SKAP1: variants seen among roughly 807,000 people sequenced by gnomAD.
SKAP1 encodes src kinase associated phosphoprotein 1, also known as src kinase-associated phosphoprotein 1.
SKAP1 carries 44 observed loss-of-function variants against 58.5 expected under a neutral mutation model. That is an observed-to-expected ratio of 0.75 (90% CI 0.59 to 0.97). SKAP1 has a LOEUF of 0.97. Among genes scored for constraint, SKAP1 ranks in the 50% least tolerant of loss-of-function variants. The pLI is 0.00. For missense variants in SKAP1, 390 were observed against 435.2 expected (o/e 0.90, Z 0.92); for synonymous variants, 127 against 149.7 (o/e 0.85, Z 1.11).
the SKAP1 span, among the ~76,000 whole-genome samples, chr17:48,439,974 TG>T: frequency 6.6e-6 from 1 of 152,168 alleles, no homozygotes; most frequent in Non-Finnish European, 1.5e-5. Context: ...TAGAGACAGG[TG>T]GGCCCTTTTC....
chr17:48,211,004 AAAAAGACT>A (rs2064865035), intron 4 of SKAP1, among the ~76,000 whole-genome samples: 1 of 152,172 alleles, frequency 6.6e-6, no homozygotes, highest in African/African-American at 2.4e-5. Flanking sequence ...CCTCATGTAT[AAAAAGACT>A]GGGGGGAGGC....
At chr17:48,385,504 T>C (rs1169127504) in intron 2 of SKAP1, among the ~76,000 whole-genome samples, 1 of 152,054 alleles carries the variant, frequency 6.6e-6, no homozygotes, top group Non-Finnish European at 1.5e-5. Context: ...GGAGTGAAGA[T>C]AACAACTATG....
At chr17:48,173,528 T>C (rs569577500) in intron 9 of SKAP1, among the ~76,000 whole-genome samples, 1 of 152,320 alleles carries the variant, frequency 6.6e-6, no homozygotes, top group African/African-American at 2.4e-5. Context: ...AATTTTAGGA[T>C]TGGAAACATT....
At chr17:48,271,908 T>C (rs1175006969) in intron 4 of SKAP1, among the ~76,000 whole-genome samples, 1 of 152,144 alleles carries the variant, frequency 6.6e-6, no homozygotes, top group African/African-American at 2.4e-5. Flanking sequence ...TCAATTTATG[T>C]TTTGACTTCC....
intron 4 of SKAP1, chr17:48,295,723 G>C (rs2065960342): frequency 6.7e-6 from 1 of 149,084 alleles, no homozygotes; most frequent in African/African-American, 2.5e-5. Flanking sequence ...TAAGGATCTA[G>C]CTTCTTTTCA....
intron 9 of SKAP1, among the ~76,000 whole-genome samples, chr17:48,177,897 C>T (rs942316663): frequency 6.6e-6 from 1 of 152,122 alleles, no homozygotes; most frequent in Non-Finnish European, 1.5e-5. Flanking sequence ...GCTGTTGTTT[C>T]CCTAACCTGC....
At chr17:48,156,629 T>C (rs2063981517) in intron 11 of SKAP1, 1 of 243,594 alleles carries the variant, frequency 4.1e-6, no homozygotes, top group Non-Finnish European at 9.0e-6. Context: ...CCCTTTAATA[T>C]ATTTTGAGAC....
At chr17:48,307,251 G>A (rs2066154935) in intron 4 of SKAP1, 1 of 152,170 alleles carries the variant, frequency 6.6e-6, no homozygotes, top group Non-Finnish European at 1.5e-5. Context: ...ATGCATTTTG[G>A]TAGAACTATT....
chr17:48,388,042 T>A (rs368049067), intron 2 of SKAP1, among the ~76,000 whole-genome samples: 1 of 152,314 alleles, frequency 6.6e-6, no homozygotes, highest in South Asian at 2.1e-4. Flanking sequence ...TTAAAAACCA[T>A]ATCCCATATG....
chr17:48,374,811 C>A (rs1055981334), intron 2 of SKAP1, among the ~76,000 whole-genome samples: 1 of 152,188 alleles, frequency 6.6e-6, no homozygotes, highest in Non-Finnish European at 1.5e-5. Context: ...CAGTGACACC[C>A]AACAACAGAA....
chr17:48,429,635 C>T (rs2067892141), intron 1 of SKAP1, among the ~76,000 whole-genome samples: 1 of 152,156 alleles, frequency 6.6e-6, no homozygotes, highest in Non-Finnish European at 1.5e-5. Flanking sequence ...CCCTCGCAGC[C>T]CCCTGGAGAG....
intron 4 of SKAP1, among the ~76,000 whole-genome samples, chr17:48,206,430 G>T (rs971015812): frequency 1.0e-5 from 1 of 99,122 alleles, no homozygotes; most frequent in Non-Finnish European, 2.3e-5. Flanking sequence ...AAAAAATAAA[G>T]ACGTTTTTTT....
chr17:48,433,036 T>C (rs541309844), upstream of SKAP1, among the ~76,000 whole-genome samples: 5 of 152,266 alleles, frequency 3.3e-5, no homozygotes, highest in East Asian at 9.6e-4. Flanking sequence ...AATACGGTAT[T>C]GTCATGTTGC....
chr17:48,341,323 T>C (rs1366378765), intron 4 of SKAP1, among the ~76,000 whole-genome samples: 1 of 152,170 alleles, frequency 6.6e-6, no homozygotes, highest in Non-Finnish European at 1.5e-5. Flanking sequence ...AATTTCAGAA[T>C]ACTAAAACAG....
chr17:48,368,537 A>T (rs2067039727), intron 2 of SKAP1, among the ~76,000 whole-genome samples: 1 of 152,242 alleles, frequency 6.6e-6, no homozygotes, highest in African/African-American at 2.4e-5. Flanking sequence ...GCCTGTGCAG[A>T]TAGATAACAA....
intron 1 of SKAP1, among the ~76,000 whole-genome samples, chr17:48,426,635 A>G (rs2067856182): frequency 6.6e-6 from 1 of 152,242 alleles, no homozygotes; most frequent in Non-Finnish European, 1.5e-5. Flanking sequence ...CTGAAGCCCC[A>G]TTATTTGAAA....
chr17:48,191,474 G>C (rs945518401), intron 4 of SKAP1, among the ~76,000 whole-genome samples: 2 of 152,214 alleles, frequency 1.3e-5, no homozygotes, highest in African/African-American at 4.8e-5. Context: ...TATCTTGAGA[G>C]TTATGGTTGA....
intron 1 of SKAP1, among the ~76,000 whole-genome samples, chr17:48,421,689 T>C (rs1337225872): frequency 2.0e-5 from 3 of 152,170 alleles, no homozygotes; most frequent in Admixed American, 6.5e-5. Flanking sequence ...TAGGTAAAGC[T>C]TCAAGTGCCA....
In SKAP1 at chr17:48,396,769, C is replaced by T; in HGVS notation, c.63G>A (p.Leu21=). 1 of 1,612,752 alleles carries T rather than the reference C, an allele frequency of 6.2e-7. No homozygotes were observed. Among genetic ancestry groups the T allele is most frequent in the Non-Finnish European group, 8.5e-7 (1 of 1,179,108 alleles). The change falls in exon 2 of 13, where the codon CTG becomes CTA. Residue 21 remains leucine (L), a synonymous_variant. Transcript: ENST00000336915. ...GGTTCTCATTCCGCAAACCTTCTGCCAGAAACTCTTCAGCATCTAAAAGAA... is the reference window on the plus strand; with the variant it reads ...GGTTCTCATTCCGCAAACCTTCTGCTAGAAACTCTTCAGCATCTAAAAGAA... ...RWLLEDAEEF[L]AEGLRNENLS...
Sources: allele counts gnomAD v4.1 joint callset (sites outside exome capture counted in the v4.1 genomes callset), GRCh38; gene constraint gnomAD v4.1.1; transcripts MANE v1.5; gene names NCBI Gene and HGNC (gene_info 2026-07-23, HGNC 2026-07-21).